PAK3: variants seen among roughly 807,000 people sequenced by gnomAD.
PAK3 encodes p21 (RAC1) activated kinase 3.
Under a neutral mutation model 41.0 loss-of-function variants are expected in PAK3, and 4 were observed. That is an observed-to-expected ratio of 0.10 (90% CI 0.05 to 0.22). The LOEUF is 0.22. PAK3 is among the 10% of genes least tolerant of loss of function. The probability of loss-of-function intolerance (pLI) is 1.00; values close to 1 mark genes in which losing one functional copy is unlikely to be tolerated. For synonymous variants in PAK3, 146 were observed against 139.6 expected, an observed-to-expected ratio of 1.05 and a Z score of -0.32; for missense variants, 205 against 409.9, an observed-to-expected ratio of 0.50 and a Z score of 4.32.
chrX:111,157,131 G>A (rs770899143), intron 8 of PAK3, among the ~76,000 whole-genome samples: 108 of 110,842 alleles, frequency 9.7e-4, no homozygotes, highest in African/African-American at 3.3e-3. Flanking sequence ...AATTTCATGG[G>A]GATTCTGTTA....
intron 3 of PAK3, among the ~76,000 whole-genome samples, chrX:111,098,045 T>A (rs1476485674): frequency 9.1e-6 from 1 of 109,827 alleles, no homozygotes; most frequent in Non-Finnish European, 1.9e-5. Flanking sequence ...GAAAAGGAGG[T>A]TCACATGCAA....
rs1255203859 is a variant in PAK3 at position 111,224,520 on chromosome X, CA to C, written c.*4075del. 4 of 112,297 alleles carry C rather than the reference CA, an allele frequency of 3.6e-5. No individual in the cohort carries two copies. The highest frequency in any genetic ancestry group is 7.5e-5 in the Non-Finnish European group (4 of 53,327). 9.3% of individuals were successfully genotyped at this position (112,297 alleles called of 1,213,427 possible). ...CCAATAGGGCAAGTCCCACTAATTT[CA>C]ATAGAAGTTATGACTTGCAATTAAA... On this transcript the variant is annotated 3_prime_UTR_variant, in exon 18 of 18. Transcript: ENST00000372007.
intron 6 of PAK3, chrX:111,144,915 G>GA: frequency 9.4e-7 from 1 of 1,065,354 alleles, no homozygotes; most frequent in Non-Finnish European, 1.3e-6. Context: ...CAATCAGAGG[G>GA]AAAAATGGTA....
At chrX:111,039,299 G>T (rs180796057) in intron 1 of PAK3, among the ~76,000 whole-genome samples, 186 of 112,177 alleles carry the variant, frequency 1.7e-3, no homozygotes, top group African/African-American at 5.7e-3. Flanking sequence ...TGGTGAAACT[G>T]TTTCATTCGT....
chrX:111,130,767 C>T (rs2093706186), intron 5 of PAK3, among the ~76,000 whole-genome samples: 1 of 111,976 alleles, frequency 8.9e-6, no homozygotes, highest in Admixed American at 9.5e-5. Flanking sequence ...CACCCTGTTA[C>T]TTAGTATATT....
At position 111,222,409 on chromosome X, in the gene PAK3, C is replaced by G. The variant is rs1356723592; in HGVS notation, c.*1962C>G. 2.7e-5 allele frequency: 3 copies of G among 111,523 alleles called. No homozygotes were observed. The highest frequency in any genetic ancestry group is 1.9e-5 in the Non-Finnish European group (1 of 53,063). 9.2% of individuals were successfully genotyped at this position (111,523 alleles called of 1,213,427 possible). On this transcript the variant is annotated 3_prime_UTR_variant, in exon 18 of 18. Transcript: ENST00000372007. ...CTGTAAAAGTTGGGAGAGGCTTGAC[C>G]TCCTCCCCTTGAAAATGTCCACAGT...
At chrX:111,076,313 T>C (rs1312349209) in intron 1 of PAK3, among the ~76,000 whole-genome samples, 2 of 111,914 alleles carry the variant, frequency 1.8e-5, no homozygotes, top group African/African-American at 3.3e-5. Flanking sequence ...GTGAGACCTG[T>C]TGGGAGGTGA....
At chrX:111,038,810 T>G (rs887605775) in intron 1 of PAK3, among the ~76,000 whole-genome samples, 1 of 112,296 alleles carries the variant, frequency 8.9e-6, no homozygotes, top group Admixed American at 9.4e-5. Flanking sequence ...ATCTGACATA[T>G]GTAAAGCACA....
chrX:111,114,403 A>G (rs2093427212), intron 4 of PAK3, among the ~76,000 whole-genome samples: 2 of 112,190 alleles, frequency 1.8e-5, no homozygotes, highest in Non-Finnish European at 1.9e-5. Flanking sequence ...AGGGGCCTCA[A>G]TAATATATTC....
chrX:110,950,787 C>T (rs1293874694), intron 1 of PAK3, among the ~76,000 whole-genome samples: 1 of 111,166 alleles, frequency 9.0e-6, no homozygotes, highest in Non-Finnish European at 1.9e-5. Flanking sequence ...CTCTGCATAC[C>T]ACTGTGAGCA....
chrX:111,147,766 C>T lies in PAK3; in HGVS notation c.306C>T (p.Leu102=). 2 of 1,206,372 alleles carry T rather than the reference C, an allele frequency of 1.7e-6. No homozygotes were observed. Among genetic ancestry groups the T allele is most frequent in the Non-Finnish European group, 2.2e-6 (2 of 890,842 alleles). ...TGIPEQWARL[L]QTSNITKLEQ... is the part of the protein sequence containing the mutation. The stretch of plus-strand genomic sequence containing the variant: ...TTCCAGAGCAATGGGCACGATTACT[C>T]CAAACTTCCAACATAACAAAATTGG... The change falls in exon 7 of 18, where the codon CTC becomes CTT. Residue 102 remains leucine, a synonymous_variant. Coordinates refer to ENST00000372007, the MANE Select transcript of PAK3 (RefSeq NM_002578.5).
At chrX:111,129,805 A>C (rs760120646) in intron 5 of PAK3, among the ~76,000 whole-genome samples, 1 of 111,558 alleles carries the variant, frequency 9.0e-6, no homozygotes, top group South Asian at 3.8e-4. Context: ...CAGAGGATGG[A>C]TGGAATAAGA....
In PAK3 at chrX:111,138,047, C is replaced by CT. The variant is rs36088513; in HGVS notation, c.176-4035dup. Among the ~76,000 whole-genome samples, 676 of 99,573 alleles carry CT rather than the reference C, an allele frequency of 6.8e-3. 3 individuals carry two copies. Among genetic ancestry groups the CT allele is most frequent in the African/African-American group, 0.019 (538 of 27,627 alleles). 86.5% of individuals were successfully genotyped at this position (99,573 alleles called of 115,157 possible). On this transcript the variant is annotated intron_variant, in intron 5 of 17. Transcript: ENST00000372007. ...ACTTACTGAAAGCTAGAGCTCAAATCTTTTTTTTTTTTTTAATGCCACTGA... is the reference window on the plus strand; with the variant it reads ...ACTTACTGAAAGCTAGAGCTCAAATCTTTTTTTTTTTTTTTAATGCCACTGA...
chrX:110,984,777 C>G (rs191323257), intron 1 of PAK3, among the ~76,000 whole-genome samples: 2 of 110,733 alleles, frequency 1.8e-5, no homozygotes, highest in African/African-American at 6.6e-5. Context: ...TACGCCCCCC[C>G]GCCCCCGCCA....
At chrX:111,047,258 C>A (rs1217106140) in intron 1 of PAK3, among the ~76,000 whole-genome samples, 1 of 111,559 alleles carries the variant, frequency 9.0e-6, no homozygotes, top group Non-Finnish European at 1.9e-5. Flanking sequence ...TAGTCCCCAA[C>A]CTTAGAGAGT....
chrX:110,963,851 A>G (rs2091029648), intron 1 of PAK3, among the ~76,000 whole-genome samples: 2 of 111,893 alleles, frequency 1.8e-5, no homozygotes, highest in South Asian at 7.5e-4. Context: ...AATGCTTTCA[A>G]AAGTTCAAAG....
At chrX:111,155,251 A>C (rs368606300) in intron 8 of PAK3, among the ~76,000 whole-genome samples, 32 of 110,700 alleles carry the variant, frequency 2.9e-4, no homozygotes, top group African/African-American at 1.1e-3. Flanking sequence ...CTGTAATCCC[A>C]GCACTGTGGG....
chrX:111,173,065 GA>G lies in PAK3; in HGVS notation c.820del (p.Ile274LeufsTer13). The G allele has an allele frequency of 1.9e-6, 2 of 1,075,345 alleles. No homozygotes were observed. Among genetic ancestry groups the G allele is most frequent in the Non-Finnish European group, 2.6e-6 (2 of 773,446 alleles). 88.6% of individuals were successfully genotyped at this position (1,075,345 alleles called of 1,213,427 possible). A position where few individuals can be genotyped will look rare whatever the true frequency, so the allele number is the denominator to read the frequency against. ...CCCAAAGAAAAAATACACAAGATTT[GA>G]AAAAATTGGTCAAGGGTAAGTGATT... is the stretch of plus-strand genomic sequence containing the variant. ...GDPKKKYTRFEKIGQGASGTV... is the reference protein window; with the variant it reads ...GDPKKKYTRFXKIGQGASGTV... On this transcript the variant is annotated frameshift_variant, in exon 11 of 18. Transcript: ENST00000372007. LOFTEE classifies it high-confidence loss of function.
At position 110,985,182 on chromosome X, in the gene PAK3, T is replaced by A. The variant is rs1255928088; in HGVS notation, c.-28+40554T>A. Among the ~76,000 whole-genome samples, 12 of 112,111 alleles carry A rather than the reference T, an allele frequency of 1.1e-4. No individual in the cohort carries two copies. The Admixed American group carries it at 1.1e-3, about 11-fold the overall frequency. On this transcript the variant is annotated intron_variant, in intron 1 of 14. Coordinates refer to the PAK3 transcript ENST00000425146. The stretch of plus-strand genomic sequence containing the variant: ...GTTTTTAGGATAAAGATAAAACTCC[T>A]TAGATGGCCTACAAAGCTTGAATGA...
Sources: allele counts gnomAD v4.1 joint callset (sites outside exome capture counted in the v4.1 genomes callset), GRCh38; gene constraint gnomAD v4.1.1; transcripts MANE v1.5; gene names NCBI Gene and HGNC (gene_info 2026-07-23, HGNC 2026-07-21).